The following FAM161A variants were observed in gnomAD, a reference collection of about 807,000 sequenced individuals.
FAM161A encodes the protein FAM161 centrosomal protein A.
FAM161A carries 57 observed loss-of-function variants against 70.9 expected under a neutral mutation model. The ratio of observed to expected loss-of-function variants is 0.80; its 90% CI spans 0.65 to 1.00. The LOEUF is 1.00. FAM161A is among the 50% of genes least tolerant of loss of function. The pLI is 0.00. For synonymous variants in FAM161A, 299 were observed against 295.7 expected (o/e 1.01, Z -0.12); for missense variants, 880 against 836.0 (o/e 1.05, Z -0.65).
downstream of FAM161A, among the ~76,000 whole-genome samples, chr2:61,821,892 C>G (rs1454294174): frequency 1.3e-5 from 2 of 151,984 alleles, no homozygotes; most frequent in Non-Finnish European, 2.9e-5. Context: ...GCCTCAGCCT[C>G]CTGGGTAGCT....
chr2:61,834,182 T>C (rs929866077), intron 5 of FAM161A, among the ~76,000 whole-genome samples: 1 of 152,068 alleles, frequency 6.6e-6, no homozygotes, highest in Non-Finnish European at 1.5e-5. Context: ...TAAAAAAGAA[T>C]GAAATCATGT....
intron 1 of FAM161A, among the ~76,000 whole-genome samples, chr2:61,849,213 G>A (rs1324942557): frequency 6.3e-5 from 9 of 142,118 alleles, no homozygotes; most frequent in Admixed American, 1.5e-4. Flanking sequence ...ATAGAAAAAC[G>A]GCCAGAGAAT....
At chr2:61,846,011 C>T (rs1018460314) in intron 1 of FAM161A, among the ~76,000 whole-genome samples, 1 of 145,256 alleles carries the variant, frequency 6.9e-6, no homozygotes, top group African/African-American at 2.6e-5. Context: ...ATCGCTTGAA[C>T]CTGGGAGGCA....
At chr2:61,839,044 A>G (rs1449848680) in intron 3 of FAM161A, among the ~76,000 whole-genome samples, 1 of 151,430 alleles carries the variant, frequency 6.6e-6, no homozygotes, top group East Asian at 1.9e-4. Context: ...CACCACGCCC[A>G]GCTAATTTTT....
chr2:61,822,199 G>A (rs1558470166), downstream of FAM161A, among the ~76,000 whole-genome samples: 1 of 152,042 alleles, frequency 6.6e-6, no homozygotes, highest in Non-Finnish European at 1.5e-5. Context: ...GAGAAGCCAA[G>A]GCAGGAGGAT....
At position 61,826,409 on chromosome 2, in the gene FAM161A, G is replaced by C. The variant is rs780833898; in HGVS notation, c.*46C>G. 1 of 1,530,280 alleles carries C rather than the reference G, an allele frequency of 6.5e-7. No homozygotes were observed. Among genetic ancestry groups the C allele is most frequent in the Non-Finnish European group, 9.1e-7 (1 of 1,104,708 alleles). The allele number at this position is 1,530,280 out of a possible 1,614,324, so 94.8% of individuals were successfully genotyped here. On this transcript the variant is annotated 3_prime_UTR_variant, in exon 7 of 7. Coordinates refer to ENST00000404929, the MANE Select transcript of FAM161A (RefSeq NM_001201543.2). ...ACACAAATGCGGCTGCTGACACCCT[G>C]ACGCTGCAAACAACAGCAAGGGCAT...
the FAM161A span, among the ~76,000 whole-genome samples, chr2:61,811,931 T>C: frequency 6.6e-6 from 1 of 152,180 alleles, no homozygotes; most frequent in Non-Finnish European, 1.5e-5. Flanking sequence ...TCTGCTATTT[T>C]TCTGACTTCA....
At chr2:61,816,260 T>C in the FAM161A span, among the ~76,000 whole-genome samples, 1 of 152,110 alleles carries the variant, frequency 6.6e-6, no homozygotes, top group African/African-American at 2.4e-5. Flanking sequence ...CACACTTTTT[T>C]CACTTTATTT....
chr2:61,817,974 C>G, the FAM161A span, among the ~76,000 whole-genome samples: 1 of 151,858 alleles, frequency 6.6e-6, no homozygotes, highest in Admixed American at 6.6e-5. Flanking sequence ...ACAACAAAAC[C>G]AAAACCAAAC....
chr2:61,801,178 G>A, the FAM161A span, among the ~76,000 whole-genome samples: 94 of 152,060 alleles, frequency 6.2e-4, no homozygotes, highest in Non-Finnish European at 1.1e-3. Context: ...CCTCTGCAGG[G>A]AAATCTTAAA....
At chr2:61,803,850 G>T in the FAM161A span, among the ~76,000 whole-genome samples, 1 of 152,038 alleles carries the variant, frequency 6.6e-6, no homozygotes, top group East Asian at 1.9e-4. Context: ...GGCTGGGCGT[G>T]GTGGCTCATG....
chr2:61,848,317 C>A (rs1438120331), intron 1 of FAM161A, among the ~76,000 whole-genome samples: 2 of 152,164 alleles, frequency 1.3e-5, no homozygotes, highest in Admixed American at 6.6e-5. Context: ...TTAACGCTAG[C>A]TGAAACTTTT....
rs1208812625 is a variant in FAM161A, at chr2:61,847,459, CA to C, written c.184-5100del. ...TTGTGTATTATATGCCTGCCCCTACCAAAAAGTAAACATTACAAAGGTAAGA... is the reference window on the plus strand; with the variant it reads ...TTGTGTATTATATGCCTGCCCCTACCAAAAGTAAACATTACAAAGGTAAGA... On this transcript the variant is annotated intron_variant, in intron 1 of 6. Transcript: ENST00000404929. 2.0e-5 allele frequency among the ~76,000 whole-genome samples: 3 copies of C among 151,964 alleles called. No homozygotes were observed. The East Asian group carries it at 5.8e-4, about 29-fold the overall frequency.
At chr2:61,820,115 T>C (rs1315635652), downstream of FAM161A, 1 of 423,302 alleles carries the variant, frequency 2.4e-6, no homozygotes, top group Non-Finnish European at 4.3e-6. Context: ...TTAGGAATTG[T>C]GTTCTGCTGC....
In FAM161A at chr2:61,839,435, T is replaced by G; in HGVS notation, c.1569A>C (p.Arg523=). ...TACTTACTTACCTTACGGCTTGTTCTCGTCCTCTGGAAGATACCGTGGGCA... is the reference window on the plus strand; with the variant it reads ...TACTTACTTACCTTACGGCTTGTTCGCGTCCTCTGGAAGATACCGTGGGCA... The part of the protein sequence containing the change: ...PPVPTVSSRG[R]EQAVRRSLEE... The change falls in exon 3 of 7, where the codon CGA becomes CGC. Residue 523 remains arginine, a synonymous_variant. Transcript: ENST00000404929. The G allele has an allele frequency of 6.2e-7, 1 of 1,614,210 alleles. No homozygotes were observed. Among genetic ancestry groups the G allele is most frequent in the Non-Finnish European group, 8.5e-7 (1 of 1,180,034 alleles).
intron 1 of FAM161A, chr2:61,846,771 G>T (rs1673229269): frequency 8.7e-6 from 3 of 346,382 alleles, no homozygotes; most frequent in Non-Finnish European, 1.7e-5. Context: ...CTTTCTGTTA[G>T]CCCTCTGACT....
At chr2:61,804,849 G>GC in the FAM161A span, among the ~76,000 whole-genome samples, 4 of 141,686 alleles carry the variant, frequency 2.8e-5, no homozygotes, top group African/African-American at 1.0e-4. Context: ...AAGCAAGGAA[G>GC]AAGGGAGGGA....
rs1445776379 is a variant in FAM161A at position 61,838,709 on chromosome 2, AG to A, written c.1584-5del. The A allele has an allele frequency of 1.3e-6, 2 of 1,594,996 alleles. No individual in the cohort carries two copies. The highest frequency in any genetic ancestry group is 3.5e-5 in the Admixed American group (2 of 57,202). Reference sequence around the variant, plus strand: ...TTTCTTTTCCTCAAGTGATCTCCTGAGGGTAACAAACTAAGGCTTAATCCAC... The same window carrying A: ...TTTCTTTTCCTCAAGTGATCTCCTGAGGTAACAAACTAAGGCTTAATCCAC... On this transcript the variant is annotated splice_polypyrimidine_tract_variant and splice_region_variant and intron_variant, in intron 3 of 6. Coordinates refer to ENST00000404929, the MANE Select transcript of FAM161A (RefSeq NM_001201543.2).
chr2:61,826,621 T>A, intron 6 of FAM161A, 22 bp from the exon 7 acceptor site: 2 of 1,594,008 alleles, frequency 1.3e-6, no homozygotes, highest in Non-Finnish European at 1.7e-6. Context: ...AATTTATCAA[T>A]CTTTCAAAGG....
Sources: allele counts gnomAD v4.1 joint callset (sites outside exome capture counted in the v4.1 genomes callset), GRCh38; gene constraint gnomAD v4.1.1; transcripts MANE v1.5; gene names NCBI Gene and HGNC (gene_info 2026-07-23, HGNC 2026-07-21).